Variants in SPTAN1 observed in about 807,000 individuals in gnomAD.
SPTAN1 encodes spectrin alpha chain, non-erythrocytic 1.
A neutral mutation model predicts 331.3 loss-of-function variants in SPTAN1; 61 were observed. The ratio of observed to expected loss-of-function variants is 0.18; its 90% CI spans 0.15 to 0.23. The LOEUF (loss-of-function observed/expected upper bound fraction) is 0.23. Among genes scored for constraint, SPTAN1 ranks in the 10% least tolerant of loss-of-function variants. The pLI is 1.00. For missense variants in SPTAN1, 2,043 were observed against 3,147.9 expected, an observed-to-expected ratio of 0.65 and a Z score of 8.40; for synonymous variants, 1,153 against 1,173.9, an observed-to-expected ratio of 0.98 and a Z score of 0.36.
intron 45 of SPTAN1, chr9:128,621,539 CTT>C: frequency 3.8e-6 from 2 of 523,620 alleles, no homozygotes; most frequent in Non-Finnish European, 6.9e-6. Flanking sequence ...AATACAGTCT[CTT>C]TATAGGGACA....
intron 12 of SPTAN1, among the ~76,000 whole-genome samples, chr9:128,582,268 A>T (rs1852036748): frequency 6.6e-6 from 1 of 152,176 alleles, no homozygotes; most frequent in African/African-American, 2.4e-5. Context: ...TCTTGAATGG[A>T]GGTAGTGCAG....
Position 128,566,996 on chromosome 9 carries a change from G to T in SPTAN1, c.237+19G>T. The T allele has an allele frequency of 6.2e-7, 1 of 1,613,552 alleles. No homozygotes were observed. The highest frequency in any genetic ancestry group is 1.1e-5 in the South Asian group (1 of 90,830). On this transcript the variant is annotated intron_variant, in intron 2 of 56. Coordinates refer to ENST00000372739, the MANE Select transcript of SPTAN1 (RefSeq NM_001130438.3). Reference sequence around the variant, plus strand: ...CTTGCAGGTACGTCTGATCTCCTGGGATTCCTGCCAAAATTCAAGAGCCCA... The same window carrying T: ...CTTGCAGGTACGTCTGATCTCCTGGTATTCCTGCCAAAATTCAAGAGCCCA...
chr9:128,613,428 T>C lies in SPTAN1; in HGVS notation c.5091T>C (p.Ser1697=), dbSNP rs369670539. The C allele has an allele frequency of 1.9e-6, 3 of 1,614,136 alleles. No individual in the cohort carries two copies. In the African/African-American group the frequency reaches 4.0e-5, roughly 22 times the overall value. The change falls in exon 40 of 57, where the codon TCT becomes TCC. Residue 1697 remains serine (S), a synonymous_variant. Transcript: ENST00000372739. The part of the protein sequence containing the change: ...ASEDYGKDLA[S]VNNLLKKHQL... ...AAGATTATGGCAAAGACCTAGCTTC[T>C]GTGAACAACCTGCTGAAAAAGCATC... is the stretch of plus-strand genomic sequence containing the variant.
Position 128,625,822 on chromosome 9 carries a change from C to T in SPTAN1, c.6123C>T (p.Ile2041=), listed in dbSNP as rs775332792. Residue 2041 remains isoleucine, a synonymous_variant, in exon 48 of 57, where the codon ATC becomes ATT. Coordinates refer to ENST00000372739, the MANE Select transcript of SPTAN1 (RefSeq NM_001130438.3). This position sits in a 1 kb window ranked among gnomAD's most constrained non-coding sequence, Gnocchi z 4.1. ...TCCAGCAGGAAGGCATTGCCAACAT[C>T]ACTGCCCTCAAAGATCAGCTTCTCG... is the stretch of plus-strand genomic sequence containing the variant. ...QAFQQEGIAN[I]TALKDQLLAA... 6.2e-7 allele frequency: 1 copy of T among 1,614,228 alleles called. No homozygotes were observed. Among genetic ancestry groups the T allele is most frequent in the East Asian group, 2.2e-5 (1 of 44,884 alleles).
chr9:128,600,971 A>G (rs1855047290), intron 27 of SPTAN1, among the ~76,000 whole-genome samples: 1 of 30,058 alleles, frequency 3.3e-5, no homozygotes, highest in Admixed American at 5.9e-4. Context: ...CCAGGGAGAA[A>G]GTCTTTTTTT....
intron 38 of SPTAN1, 57 bp downstream of exon 38, chr9:128,611,902 C>T: frequency 6.2e-7 from 1 of 1,612,856 alleles, no homozygotes; most frequent in South Asian, 1.1e-5. Flanking sequence ...TCACTGTCAA[C>T]CTGATATAAT....
At chr9:128,609,067 TC>T in intron 35 of SPTAN1, 54 bp from the exon 36 acceptor site, 1 of 1,614,128 alleles carries the variant, frequency 6.2e-7, no homozygotes, top group South Asian at 1.1e-5. Context: ...TCTCCCCACT[TC>T]CTTCTCCACG....
At chr9:128,624,086 CAA>C (rs11444346) in intron 45 of SPTAN1, among the ~76,000 whole-genome samples, 163 of 66,754 alleles carry the variant, frequency 2.4e-3, no homozygotes, top group East Asian at 0.018. Flanking sequence ...CACTCCGTCT[CAA>C]AAAAAAAAAA....
In SPTAN1 at chr9:128,587,736, C is replaced by A. The variant is rs1852841952; in HGVS notation, c.2871+38C>A. On this transcript the variant is annotated intron_variant, in intron 20 of 56. Transcript: ENST00000372739. ...CAGTTTATGGGTTACTGGAGGGAGG[C>A]CTTGAAGGACTCAGATACTGTCAGC... 3.2e-6 allele frequency: 5 copies of A among 1,572,212 alleles called. No individual in the cohort carries two copies. In the East Asian group the frequency reaches 1.1e-4, roughly 35 times the overall value.
rs1564206923 is a variant in SPTAN1 at position 128,574,835 on chromosome 9, GT to G, written c.504+23del. The G allele has an allele frequency of 6.2e-7, 1 of 1,613,774 alleles. No homozygotes were observed. Among genetic ancestry groups the G allele is most frequent in the Non-Finnish European group, 8.5e-7 (1 of 1,179,842 alleles). On this transcript the variant is annotated intron_variant, in intron 4 of 56. Coordinates refer to ENST00000372739, the MANE Select transcript of SPTAN1 (RefSeq NM_001130438.3). Reference sequence around the variant, plus strand: ...GACAAGGCACGTTTTGGGAAGAAGGGTTTGCTAAGCTTTACTCAAAGAAAAG... The same window carrying G: ...GACAAGGCACGTTTTGGGAAGAAGGGTTGCTAAGCTTTACTCAAAGAAAAG...
chr9:128,631,062 C>G (rs987348661), intron 52 of SPTAN1, among the ~76,000 whole-genome samples: 1 of 152,144 alleles, frequency 6.6e-6, no homozygotes, highest in Non-Finnish European at 1.5e-5. Context: ...CCAGGCCGGT[C>G]TGGAACTCCT....
intron 3 of SPTAN1, among the ~76,000 whole-genome samples, chr9:128,574,227 A>G (rs1439855094): frequency 6.6e-6 from 1 of 151,542 alleles, no homozygotes; most frequent in East Asian, 1.9e-4. Context: ...TTCCTTTCCC[A>G]GTAGTCTTCT....
At chr9:128,630,849 C>T (rs1441008064) in intron 52 of SPTAN1, among the ~76,000 whole-genome samples, 9 of 152,132 alleles carry the variant, frequency 5.9e-5, no homozygotes, top group African/African-American at 1.7e-4. Context: ...GGATTACAGG[C>T]GCCCACCACC....
At chr9:128,564,909 C>A (rs575440405) in intron 1 of SPTAN1, among the ~76,000 whole-genome samples, 4 of 152,130 alleles carry the variant, frequency 2.6e-5, no homozygotes, top group African/African-American at 9.7e-5. Context: ...TACTTCTATC[C>A]GCCACAAGGG....
intron 24 of SPTAN1, among the ~76,000 whole-genome samples, chr9:128,598,013 A>G (rs1006909505): frequency 2.7e-5 from 4 of 149,020 alleles, no homozygotes; most frequent in African/African-American, 7.5e-5. Flanking sequence ...CAATGGCGCA[A>G]TCTCAGCTCA....
chr9:128,599,010 G>A, intron 26 of SPTAN1, 24 bp downstream of exon 26: 1 of 1,611,836 alleles, frequency 6.2e-7, no homozygotes, highest in Non-Finnish European at 8.5e-7. Context: ...GCTGTGTGTG[G>A]ATCTTGAACA....
chr9:128,598,178 C>G (rs1019898436), intron 24 of SPTAN1, among the ~76,000 whole-genome samples: 6 of 148,560 alleles, frequency 4.0e-5, no homozygotes, highest in African/African-American at 1.5e-4. Context: ...GAACTCCCGA[C>G]CTCAGGTGAT....
chr9:128,603,140 T>C (rs1322253442), intron 27 of SPTAN1, among the ~76,000 whole-genome samples: 1 of 151,870 alleles, frequency 6.6e-6, no homozygotes, highest in Non-Finnish European at 1.5e-5. Flanking sequence ...TTATTAGAGC[T>C]CCTGGCTGTT....
chr9:128,633,180 G>A, intron 56 of SPTAN1, 29 bp from the exon 57 acceptor site: 1 of 1,613,626 alleles, frequency 6.2e-7, no homozygotes. Context: ...AGCTGGCTCA[G>A]GCACCAGGTG....
Sources: allele counts gnomAD v4.1 joint callset (sites outside exome capture counted in the v4.1 genomes callset), GRCh38; gene constraint gnomAD v4.1.1; non-coding constraint Gnocchi (gnomAD v3.1); transcripts MANE v1.5; gene names NCBI Gene and HGNC (gene_info 2026-07-23, HGNC 2026-07-21).